The following DCK variants were observed in gnomAD, a reference collection of about 807,000 sequenced individuals.
DCK encodes the protein deoxyadenosine kinase.
A neutral mutation model predicts 38.3 loss-of-function variants in DCK; 23 were observed. The observed-to-expected ratio is 0.60, with a 90% CI of 0.43 to 0.85. The LOEUF (loss-of-function observed/expected upper bound fraction) is 0.85, where lower values mean the gene tolerates loss of function less well. Ranked by LOEUF, DCK falls within the 40% of genes least tolerant of loss-of-function variation. DCK has a pLI of 0.00. For synonymous variants in DCK, 108 were observed against 100.6 expected, an observed-to-expected ratio of 1.07 and a Z score of -0.44; for missense variants, 259 against 304.4, an observed-to-expected ratio of 0.85 and a Z score of 1.11.
At chr4:71,014,033 CAG>C (rs1200607952) in intron 2 of DCK, among the ~76,000 whole-genome samples, 1 of 152,066 alleles carries the variant, frequency 6.6e-6, no homozygotes, top group Non-Finnish European at 1.5e-5. Flanking sequence ...ATCTCATGTG[CAG>C]AGACATACAT....
At chr4:70,998,992 G>A (rs1411184925) in intron 2 of DCK, among the ~76,000 whole-genome samples, 1 of 151,152 alleles carries the variant, frequency 6.6e-6, no homozygotes, top group Admixed American at 6.6e-5. Flanking sequence ...TTTAAGTAAA[G>A]TATAAAAGTT....
At chr4:71,017,099 C>G (rs1387558175) in intron 2 of DCK, among the ~76,000 whole-genome samples, 1 of 151,938 alleles carries the variant, frequency 6.6e-6, no homozygotes, top group Non-Finnish European at 1.5e-5. Flanking sequence ...AAAAAACAAC[C>G]CCATCAAAAA....
intron 2 of DCK, 133 bp downstream of exon 2, chr4:70,998,315 G>T: frequency 2.1e-6 from 1 of 470,168 alleles, no homozygotes. Context: ...TCTAGGTGGT[G>T]GTTACATGGA....
At chr4:71,025,677 T>A (rs1169613836) in intron 4 of DCK, 139 bp from the exon 5 acceptor site, 10 of 1,156,624 alleles carry the variant, frequency 8.6e-6, no homozygotes, top group African/African-American at 4.8e-5. Flanking sequence ...AAAAATGAAT[T>A]ATTTCAGCTT....
At chr4:71,015,294 G>C (rs1163313178) in intron 2 of DCK, among the ~76,000 whole-genome samples, 1 of 152,092 alleles carries the variant, frequency 6.6e-6, no homozygotes, top group East Asian at 1.9e-4. Flanking sequence ...ATAGTTAAGA[G>C]CCTGCCATCC....
At chr4:71,000,899 A>T (rs961806588) in intron 2 of DCK, among the ~76,000 whole-genome samples, 5 of 152,158 alleles carry the variant, frequency 3.3e-5, no homozygotes. Flanking sequence ...GTTGCTTGTC[A>T]CCATAAGGGA....
At chr4:70,998,914 C>T (rs1405018269) in intron 2 of DCK, among the ~76,000 whole-genome samples, 2 of 148,144 alleles carry the variant, frequency 1.4e-5, no homozygotes, top group Admixed American at 1.3e-4. Flanking sequence ...CAGAATGAGA[C>T]ACTGTCTCAA....
chr4:71,006,745 C>G (rs1193220260), intron 2 of DCK, among the ~76,000 whole-genome samples: 1 of 152,054 alleles, frequency 6.6e-6, no homozygotes, highest in Non-Finnish European at 1.5e-5. Context: ...GAAATTGAGA[C>G]TGTAGTGAGC....
chr4:71,012,300 C>T (rs1004033169), intron 2 of DCK, among the ~76,000 whole-genome samples: 17 of 152,200 alleles, frequency 1.1e-4, no homozygotes, highest in Non-Finnish European at 2.1e-4. Flanking sequence ...CACCGCTGCT[C>T]AAGGAGGCCT....
chr4:71,008,545 T>A (rs372449319), intron 2 of DCK, among the ~76,000 whole-genome samples: 2 of 152,334 alleles, frequency 1.3e-5, no homozygotes, highest in East Asian at 3.9e-4. Context: ...AAGGAGAGAC[T>A]GGAGTTCTAA....
At chr4:70,994,139 C>A in intron 1 of DCK, 1 of 588,692 alleles carries the variant, frequency 1.7e-6, no homozygotes, top group Non-Finnish European at 3.0e-6. Flanking sequence ...TCAGACTGGG[C>A]GCCAGGCCTG....
chr4:70,993,963 G>A (rs9997790), intron 1 of DCK, 37 bp downstream of exon 1: 9 of 1,469,678 alleles, frequency 6.1e-6, no homozygotes, highest in Non-Finnish European at 7.6e-6. Flanking sequence ...GCAAGGCTGG[G>A]GTGTCGCGGC....
chr4:71,012,061 G>T (rs575469684), intron 2 of DCK, among the ~76,000 whole-genome samples: 3 of 152,130 alleles, frequency 2.0e-5, no homozygotes, highest in African/African-American at 7.2e-5. Flanking sequence ...CAAAAGAGGG[G>T]ACTAAAACTT....
At chr4:71,026,629 T>G in intron 5 of DCK, 36 bp from the exon 6 acceptor site, 2 of 1,000,080 alleles carry the variant, frequency 2.0e-6, no homozygotes, top group Middle Eastern at 4.6e-4. Context: ...TTTTGTTGAA[T>G]TTCTGATTAT....
chr4:71,025,685 C>A, intron 4 of DCK, 131 bp from the exon 5 acceptor site: 1 of 1,211,224 alleles, frequency 8.3e-7, no homozygotes, highest in Non-Finnish European at 1.1e-6. Context: ...ATTATTTCAG[C>A]TTTTAAGAAG....
intron 2 of DCK, among the ~76,000 whole-genome samples, chr4:71,019,313 T>A (rs1201365734): frequency 6.6e-6 from 1 of 152,222 alleles, no homozygotes; most frequent in East Asian, 1.9e-4. Context: ...ACTTTGAAAT[T>A]GCTTTGGGCA....
At chr4:70,999,473 A>C (rs558838732) in intron 2 of DCK, among the ~76,000 whole-genome samples, 1 of 152,336 alleles carries the variant, frequency 6.6e-6, no homozygotes, top group African/African-American at 2.4e-5. Flanking sequence ...ATAGCGCTGG[A>C]GTAAACATAC....
At chr4:71,010,718 AATT>A (rs1342148428) in intron 2 of DCK, among the ~76,000 whole-genome samples, 2 of 148,138 alleles carry the variant, frequency 1.4e-5, no homozygotes, top group Non-Finnish European at 3.0e-5. Flanking sequence ...ATAATATAAA[AATT>A]ATATTTATGG....
rs1739590740 is a variant in DCK at position 70,993,700 on chromosome 4, C to T, written c.-136C>T. 1.9e-5 allele frequency: 11 copies of T among 591,258 alleles called. No individual in the cohort carries two copies. Among genetic ancestry groups the T allele is most frequent in the Non-Finnish European group, 2.4e-5 (8 of 338,886 alleles). 36.6% of individuals were successfully genotyped at this position (591,258 alleles called of 1,614,324 possible). ...AAAGTCAAACCCCGACACCCGCCGG[C>T]GGGCCGGTGAGCTCACTAGCTGACC... On this transcript the variant is annotated 5_prime_UTR_variant, in exon 1 of 7. Transcript: ENST00000286648.
Sources: gnomAD v4.1 joint callset for allele counts (sites outside exome capture counted in the v4.1 genomes callset) on GRCh38, gnomAD v4.1.1 for gene constraint, MANE v1.5 for transcripts, NCBI Gene and HGNC (gene_info 2026-07-23, HGNC 2026-07-21) for gene names.